The following SCAMP5 variants were observed in gnomAD, a reference collection of about 807,000 sequenced individuals.
SCAMP5 encodes secretory carrier-associated membrane protein 5.
SCAMP5 carries 7 observed loss-of-function variants against 28.3 expected under a neutral mutation model. The ratio of observed to expected loss-of-function variants is 0.25; its 90% CI spans 0.14 to 0.46. SCAMP5 has a LOEUF of 0.46. SCAMP5 is among the 20% of genes least tolerant of loss of function. SCAMP5 has a pLI of 0.99. For missense variants in SCAMP5, 192 were observed against 312.5 expected, an observed-to-expected ratio of 0.61 and a Z score of 2.91; for synonymous variants, 117 against 116.4, an observed-to-expected ratio of 1.00 and a Z score of -0.03.
At chr15:75,007,288 T>C (rs1424983525) in intron 1 of SCAMP5, among the ~76,000 whole-genome samples, 1 of 152,224 alleles carries the variant, frequency 6.6e-6, no homozygotes, top group East Asian at 1.9e-4. Flanking sequence ...AGCACACTGA[T>C]TCATTTGCCC....
rs781196995 is a variant in SCAMP5, at chr15:75,017,903, C to T, written c.327C>T (p.Phe109=). 5.0e-6 allele frequency: 8 copies of T among 1,613,954 alleles called. No homozygotes were observed. The highest frequency in any genetic ancestry group is 5.1e-6 in the Non-Finnish European group (6 of 1,179,826). ...TDSSFSFMAF[F]FTFMAQLVIS... ...GCTCCTTCAGTTTCATGGCATTCTT[C>T]TTTACCTTCATGGCTCAGTTGGTCA... Residue 109 remains phenylalanine, a synonymous_variant, in exon 5 of 7, where the codon TTC becomes TTT. Transcript: ENST00000425597.
intron 1 of SCAMP5, among the ~76,000 whole-genome samples, chr15:74,999,230 C>T (rs1011124997): frequency 2.0e-5 from 3 of 152,194 alleles, no homozygotes; most frequent in African/African-American, 7.2e-5. Flanking sequence ...AGTTCTCAGA[C>T]ACCTCCATTT....
intron 3 of SCAMP5, among the ~76,000 whole-genome samples, chr15:75,014,844 CAATAT>C (rs2065845417): frequency 6.6e-6 from 1 of 152,028 alleles, no homozygotes. Flanking sequence ...AGATGTGAAC[CAATAT>C]AATAGGTTAG....
At chr15:75,016,809 C>A in intron 4 of SCAMP5, 60 bp downstream of exon 4, 14 of 1,326,156 alleles carry the variant, frequency 1.1e-5, no homozygotes, top group African/African-American at 1.5e-5. Context: ...CCTGTCTCTT[C>A]TCCATATCTT....
chr15:75,014,154 C>T (rs1160612718), intron 3 of SCAMP5, among the ~76,000 whole-genome samples: 1 of 152,180 alleles, frequency 6.6e-6, no homozygotes, highest in Non-Finnish European at 1.5e-5. Flanking sequence ...CCTACCTGGG[C>T]AGATGCTTGC....
At chr15:75,008,891 T>C (rs990103870) in intron 1 of SCAMP5, among the ~76,000 whole-genome samples, 1 of 152,380 alleles carries the variant, frequency 6.6e-6, no homozygotes, top group African/African-American at 2.4e-5. Flanking sequence ...ATTTTGCTAA[T>C]GCAAATAGTG....
intron 1 of SCAMP5, chr15:75,007,808 A>G (rs932981104): frequency 6.6e-6 from 1 of 151,838 alleles, no homozygotes; most frequent in Admixed American, 6.6e-5. Context: ...CTGGTGATCT[A>G]CCCGCCTCGG....
Position 75,018,262 on chromosome 15 carries a change from C to A in SCAMP5, c.396-156C>A. On this transcript the variant is annotated intron_variant, in intron 5 of 6. Transcript: ENST00000425597. The surrounding 1 kb of genome is among the most constrained non-coding windows in gnomAD (Gnocchi z 5.6). ...GCCACAGGGATGGGGTCTTCTTGAG[C>A]CACTGGCACAGGTTCTTTGGGTATC... The A allele has an allele frequency of 1.5e-6, 1 of 657,858 alleles. No individual in the cohort carries two copies. The allele number at this position is 657,858 out of a possible 1,614,324, so 40.8% of individuals were successfully genotyped here.
At chr15:75,011,395 A>G (rs562926331) in intron 1 of SCAMP5, among the ~76,000 whole-genome samples, 2 of 152,260 alleles carry the variant, frequency 1.3e-5, no homozygotes, top group South Asian at 2.1e-4. Context: ...CCAGCACCAT[A>G]TAAGTGTCCT....
rs1438728284 is a variant in SCAMP5 at position 75,019,092 on chromosome 15, C to T, written c.*109C>T. The stretch of plus-strand genomic sequence containing the variant: ...GGGTTCCCCCTTCCCTTTTCTCCTT[C>T]CCTACTTTGTACAAAGGACCAGAGT... On this transcript the variant is annotated 3_prime_UTR_variant, in exon 7 of 7. Coordinates refer to ENST00000425597, the MANE Select transcript of SCAMP5 (RefSeq NM_138967.4). The T allele has an allele frequency of 9.1e-6, 6 of 658,476 alleles. No homozygotes were observed. The highest frequency in any genetic ancestry group is 3.4e-5 in the Admixed American group (1 of 29,590). 40.8% of individuals were successfully genotyped at this position (658,476 alleles called of 1,614,324 possible). A position where few individuals can be genotyped will look rare whatever the true frequency, so the allele number is the denominator to read the frequency against.
intron 1 of SCAMP5, among the ~76,000 whole-genome samples, chr15:75,007,920 G>A (rs2065775688): frequency 1.3e-5 from 2 of 151,904 alleles, no homozygotes; most frequent in South Asian, 2.1e-4. Flanking sequence ...GGCTGGTCTC[G>A]AACTCCTGGG....
chr15:75,001,204 GCGGAGC>G (rs890673498), intron 1 of SCAMP5, among the ~76,000 whole-genome samples: 1 of 149,986 alleles, frequency 6.7e-6, no homozygotes, highest in African/African-American at 2.5e-5. Context: ...AACCCGGGAG[GCGGAGC>G]TTGCAAGTGA....
At chr15:75,009,363 A>G (rs931166843) in intron 1 of SCAMP5, among the ~76,000 whole-genome samples, 2 of 152,028 alleles carry the variant, frequency 1.3e-5, no homozygotes, top group African/African-American at 4.8e-5. Flanking sequence ...TTGATCCCAT[A>G]TCACAAAAGA....
At chr15:75,006,361 A>T (rs983313320) in intron 1 of SCAMP5, among the ~76,000 whole-genome samples, 6 of 152,196 alleles carry the variant, frequency 3.9e-5, no homozygotes, top group Non-Finnish European at 5.9e-5. Context: ...TAATAAAAAA[A>T]ATCTATGTGG....
chr15:75,016,364 C>T (rs1422015974), intron 3 of SCAMP5, among the ~76,000 whole-genome samples: 2 of 152,056 alleles, frequency 1.3e-5, no homozygotes, highest in African/African-American at 4.8e-5. Flanking sequence ...GTATGTGTGT[C>T]TCCTGTGTCT....
At chr15:75,015,421 C>T (rs1366357163) in intron 3 of SCAMP5, among the ~76,000 whole-genome samples, 1 of 151,350 alleles carries the variant, frequency 6.6e-6, no homozygotes, top group Non-Finnish European at 1.5e-5. Flanking sequence ...GACACTGTGC[C>T]TCCTAGTTCA....
intron 3 of SCAMP5, among the ~76,000 whole-genome samples, chr15:75,015,188 T>C (rs536406998): frequency 6.6e-6 from 1 of 152,052 alleles, no homozygotes; most frequent in East Asian, 1.9e-4. Context: ...TGCTTAAGGG[T>C]TCTATTCAGA....
In SCAMP5 at chr15:75,021,215, C is replaced by G. The variant is rs1021611020; in HGVS notation, c.*2232C>G. The G allele has an allele frequency of 6.6e-6, 1 of 152,354 alleles. No individual in the cohort carries two copies. Among genetic ancestry groups the G allele is most frequent in the African/African-American group, 2.4e-5 (1 of 41,446 alleles). The allele number at this position is 152,354 out of a possible 1,614,324, so 9.4% of individuals were successfully genotyped here. ...TTGTTCAGGCCCTGGGATGCTGCAT[C>G]TCCAGGCAACTATGCACTTTCCCGG... On this transcript the variant is annotated 3_prime_UTR_variant, in exon 7 of 7. Coordinates refer to ENST00000425597, the MANE Select transcript of SCAMP5 (RefSeq NM_138967.4).
chr15:75,017,994 G>A, intron 5 of SCAMP5, 23 bp downstream of exon 5: 1 of 1,453,722 alleles, frequency 6.9e-7, no homozygotes, highest in East Asian at 2.3e-5. Flanking sequence ...GGTGTGGCCT[G>A]GGGCTGGCAG....
Sources: allele counts gnomAD v4.1 joint callset (sites outside exome capture counted in the v4.1 genomes callset), GRCh38; gene constraint gnomAD v4.1.1; non-coding constraint Gnocchi (gnomAD v3.1); transcripts MANE v1.5; gene names NCBI Gene and HGNC (gene_info 2026-07-23, HGNC 2026-07-21).